ATP9B: variants seen among roughly 807,000 people sequenced by gnomAD.
ATP9B encodes the protein ATPase phospholipid transporting 9B.
ATP9B carries 110 observed loss-of-function variants against 146.1 expected under a neutral mutation model. That is an observed-to-expected ratio of 0.75 (90% CI 0.65 to 0.88). The LOEUF (loss-of-function observed/expected upper bound fraction) is 0.88, where lower values mean the gene tolerates loss of function less well. ATP9B is among the 40% of genes least tolerant of loss of function. The pLI, the probability that ATP9B is intolerant of heterozygous loss-of-function variation, is 0.00. For synonymous variants in ATP9B, 604 were observed against 569.7 expected, an observed-to-expected ratio of 1.06 and a Z score of -0.86; for missense variants, 1,499 against 1,496.4, an observed-to-expected ratio of 1.00 and a Z score of -0.03.
chr18:79,260,625 G>C (rs982479321), intron 12 of ATP9B, among the ~76,000 whole-genome samples: 7 of 152,218 alleles, frequency 4.6e-5, no homozygotes, highest in Non-Finnish European at 1.0e-4. Flanking sequence ...TTGACCTAAA[G>C]GAACAGAGAC....
At chr18:79,238,185 A>T (rs1393877591) in intron 11 of ATP9B, among the ~76,000 whole-genome samples, 1 of 152,088 alleles carries the variant, frequency 6.6e-6, no homozygotes, top group Admixed American at 6.5e-5. Flanking sequence ...TACAGATCCT[A>T]ATCAGATGTT....
At chr18:79,263,148 A>G (rs1025799060) in intron 12 of ATP9B, among the ~76,000 whole-genome samples, 5 of 152,334 alleles carry the variant, frequency 3.3e-5, no homozygotes, top group Middle Eastern at 3.4e-3. Context: ...TATGTATACA[A>G]TGCTGCTTTT....
intron 5 of ATP9B, among the ~76,000 whole-genome samples, chr18:79,141,907 T>A (rs1372413768): frequency 6.6e-6 from 1 of 152,204 alleles, no homozygotes; most frequent in African/African-American, 2.4e-5. Flanking sequence ...TGAAAGCGGG[T>A]AACTTTCCTC....
At chr18:79,310,033 G>T (rs1201215229) in intron 15 of ATP9B, among the ~76,000 whole-genome samples, 1 of 152,206 alleles carries the variant, frequency 6.6e-6, no homozygotes, top group Non-Finnish European at 1.5e-5. Context: ...GTGGAAATAT[G>T]AGCCTAAAAC....
intron 15 of ATP9B, among the ~76,000 whole-genome samples, chr18:79,310,732 T>G (rs765444249): frequency 1.3e-5 from 2 of 152,206 alleles, no homozygotes; most frequent in Non-Finnish European, 2.9e-5. Context: ...AGGAAAGATA[T>G]ACACAGAAGC....
In ATP9B at chr18:79,172,677, G is replaced by A. The variant is rs2095097014; in HGVS notation, c.779-4136G>A. Among the ~76,000 whole-genome samples, 4 of 152,384 alleles carry A rather than the reference G, an allele frequency of 2.6e-5. No homozygotes were observed. In the South Asian group the frequency reaches 8.3e-4, roughly 32 times the overall value. ...CTTTTTCTGCTTAGCACAACACCCT[G>A]GAGATCCATCCAAGTTGTTGTATAT... On this transcript the variant is annotated intron_variant, in intron 7 of 29. Transcript: ENST00000426216.
intron 13 of ATP9B, among the ~76,000 whole-genome samples, chr18:79,281,239 G>A (rs935125076): frequency 3.9e-5 from 6 of 152,160 alleles, no homozygotes; most frequent in South Asian, 2.1e-4. Context: ...ACTCACACCC[G>A]TAATCCCAGC....
chr18:79,187,605 A>G (rs1257724710), intron 8 of ATP9B, among the ~76,000 whole-genome samples: 1 of 152,176 alleles, frequency 6.6e-6, no homozygotes, highest in Non-Finnish European at 1.5e-5. Flanking sequence ...CCATTTCTTC[A>G]TTTTGTTTCC....
chr18:79,178,014 G>T (rs1209838389), intron 8 of ATP9B, among the ~76,000 whole-genome samples: 1 of 152,228 alleles, frequency 6.6e-6, no homozygotes, highest in Non-Finnish European at 1.5e-5. Context: ...TGGACCAACA[G>T]ATGAGCAGAT....
At chr18:79,146,723 G>C in intron 6 of ATP9B, 1 of 184,798 alleles carries the variant, frequency 5.4e-6, no homozygotes, top group Non-Finnish European at 1.1e-5. Flanking sequence ...GGACACCTGT[G>C]TCTGTGTTAA....
intron 5 of ATP9B, among the ~76,000 whole-genome samples, chr18:79,135,760 T>C (rs954641735): frequency 2.0e-5 from 3 of 152,240 alleles, no homozygotes; most frequent in African/African-American, 7.2e-5. Context: ...TCCTGTTTTC[T>C]TCTAGAAGTT....
At chr18:79,146,800 T>G (rs1266061811) in intron 6 of ATP9B, 1 of 152,986 alleles carries the variant, frequency 6.5e-6, no homozygotes, top group Admixed American at 6.5e-5. Context: ...AGGGCTCAGG[T>G]CACACACAAG....
intron 13 of ATP9B, among the ~76,000 whole-genome samples, chr18:79,284,595 G>C (rs1012681107): frequency 1.3e-5 from 2 of 151,882 alleles, no homozygotes; most frequent in Non-Finnish European, 2.9e-5. Context: ...TATCACTTAA[G>C]TTTTGTTTCC....
intron 12 of ATP9B, among the ~76,000 whole-genome samples, chr18:79,258,335 C>T (rs767205400): frequency 1.3e-5 from 2 of 152,036 alleles, no homozygotes; most frequent in Admixed American, 6.6e-5. Flanking sequence ...GAGGCTGAGG[C>T]GGGAGGATTG....
At chr18:79,300,774 C>G (rs553152514) in intron 13 of ATP9B, among the ~76,000 whole-genome samples, 1 of 152,170 alleles carries the variant, frequency 6.6e-6, no homozygotes, top group Non-Finnish European at 1.5e-5. Context: ...CATTTAAAAT[C>G]CTAAAGAAGT....
intron 15 of ATP9B, among the ~76,000 whole-genome samples, chr18:79,325,596 C>A (rs1041903319): frequency 5.9e-5 from 9 of 152,338 alleles, no homozygotes; most frequent in African/African-American, 2.2e-4. Context: ...CACCTGAGGT[C>A]ACATGACAGG....
At chr18:79,113,531 A>T (rs2094010211) in intron 4 of ATP9B, among the ~76,000 whole-genome samples, 177 bp downstream of exon 4, 1 of 152,210 alleles carries the variant, frequency 6.6e-6, no homozygotes, top group African/African-American at 2.4e-5. Flanking sequence ...GAACCATGGG[A>T]AGTATGGTGG....
chr18:79,167,538 T>G (rs1043371259), intron 7 of ATP9B, among the ~76,000 whole-genome samples: 1 of 151,198 alleles, frequency 6.6e-6, no homozygotes, highest in Non-Finnish European at 1.5e-5. Flanking sequence ...GCTTGTGGAG[T>G]GTGCAGCCCT....
At chr18:79,138,630 G>A (rs965151634) in intron 5 of ATP9B, among the ~76,000 whole-genome samples, 5 of 152,146 alleles carry the variant, frequency 3.3e-5, no homozygotes, top group Admixed American at 3.3e-4. Context: ...GTTTACTTGT[G>A]AGGTGGTAAA....
Sources: allele counts gnomAD v4.1 joint callset (sites outside exome capture counted in the v4.1 genomes callset), GRCh38; gene constraint gnomAD v4.1.1; transcripts MANE v1.5; gene names NCBI Gene and HGNC (gene_info 2026-07-23, HGNC 2026-07-21).